GPR183: variants seen among roughly 807,000 people sequenced by gnomAD.
The protein encoded by GPR183 is G protein-coupled receptor 183.
GPR183 carries 9 observed loss-of-function variants against 19.7 expected under a neutral mutation model. The ratio of observed to expected loss-of-function variants is 0.46; its 90% CI spans 0.28 to 0.80. The LOEUF is 0.80. Among genes scored for constraint, GPR183 ranks in the 30% least tolerant of loss-of-function variants. The probability of loss-of-function intolerance (pLI) is 0.13; values close to 1 mark genes in which losing one functional copy is unlikely to be tolerated. For synonymous variants in GPR183, 160 were observed against 155.1 expected (o/e 1.03, Z -0.24); for missense variants, 368 against 446.7 (o/e 0.82, Z 1.59).
At chr13:99,307,221 A>G (rs1316720267) in intron 1 of GPR183, 119 bp downstream of exon 1, 1 of 152,210 alleles carries the variant, frequency 6.6e-6, no homozygotes. Context: ...TTTTGTTAGA[A>G]GTGATGGTAG....
intron 1 of GPR183, among the ~76,000 whole-genome samples, chr13:99,296,596 T>C (rs1282731277): frequency 6.6e-6 from 1 of 152,228 alleles, no homozygotes; most frequent in Non-Finnish European, 1.5e-5. Context: ...CAGTTGGATT[T>C]TTTTTTAACC....
At chr13:99,307,180 A>G (rs1489594166) in intron 1 of GPR183, among the ~76,000 whole-genome samples, 160 bp downstream of exon 1, 5 of 152,228 alleles carry the variant, frequency 3.3e-5, no homozygotes, top group Admixed American at 6.5e-5. Context: ...ACCAGTCAGC[A>G]GAGAGAGTAA....
chr13:99,296,762 A>C (rs2044180478), intron 1 of GPR183, among the ~76,000 whole-genome samples: 1 of 152,168 alleles, frequency 6.6e-6, no homozygotes, highest in Non-Finnish European at 1.5e-5. Context: ...TTTTAAAAAG[A>C]AGAAGACGAC....
chr13:99,307,107 T>C (rs992903116), intron 1 of GPR183, among the ~76,000 whole-genome samples: 1 of 152,202 alleles, frequency 6.6e-6, no homozygotes, highest in Non-Finnish European at 1.5e-5. Flanking sequence ...CCCTATTTTT[T>C]GACAAAGATA....
chr13:99,300,878 A>C (rs2044247875), intron 1 of GPR183, among the ~76,000 whole-genome samples: 1 of 152,200 alleles, frequency 6.6e-6, no homozygotes. Flanking sequence ...TGGATAGTAT[A>C]GTTATCTTTT....
intron 1 of GPR183, among the ~76,000 whole-genome samples, chr13:99,299,435 G>A (rs1185750611): frequency 6.6e-6 from 1 of 151,576 alleles, no homozygotes; most frequent in African/African-American, 2.4e-5. Context: ...TTTTTTGGGA[G>A]GTAGGGAAGC....
intron 1 of GPR183, among the ~76,000 whole-genome samples, chr13:99,296,883 T>C (rs1322643666): frequency 6.6e-6 from 1 of 152,182 alleles, no homozygotes; most frequent in African/African-American, 2.4e-5. Context: ...TAAAACTCTA[T>C]CAATCTGCAA....
rs146695518 is a variant in GPR183, at chr13:99,294,918, G to A, written c.*142C>T. 75 of 826,508 alleles carry A rather than the reference G, an allele frequency of 9.1e-5. No homozygotes were observed. The East Asian group carries it at 1.4e-3, about 15-fold the overall frequency. The allele number at this position is 826,508 out of a possible 1,614,324, so 51.2% of individuals were successfully genotyped here. A position where few individuals can be genotyped will look rare whatever the true frequency, so the allele number is the denominator to read the frequency against. On this transcript the variant is annotated 3_prime_UTR_variant, in exon 2 of 2. Coordinates refer to ENST00000376414, the MANE Select transcript of GPR183 (RefSeq NM_004951.5). ...ATGTTGTTCTCTTGGGCTTACTTCCGAGTTGGAGATGGGAAAGTGCCCAAT... is the reference window on the plus strand; with the variant it reads ...ATGTTGTTCTCTTGGGCTTACTTCCAAGTTGGAGATGGGAAAGTGCCCAAT...
chr13:99,296,560 T>G (rs766206838), intron 1 of GPR183, among the ~76,000 whole-genome samples: 2 of 152,228 alleles, frequency 1.3e-5, no homozygotes, highest in Non-Finnish European at 2.9e-5. Context: ...CAGACAGGCA[T>G]TAAGCTTTGC....
chr13:99,303,634 A>G (rs1329934275), intron 1 of GPR183, among the ~76,000 whole-genome samples: 1 of 152,224 alleles, frequency 6.6e-6, no homozygotes. Flanking sequence ...ACTGCATAAT[A>G]TAAAAAGGCT....
chr13:99,305,281 A>T (rs2044315586), intron 1 of GPR183, among the ~76,000 whole-genome samples: 1 of 106,166 alleles, frequency 9.4e-6, no homozygotes, highest in Non-Finnish European at 2.6e-5. Context: ...CAGCTTTCAG[A>T]GGATTCTCAC....
intron 1 of GPR183, among the ~76,000 whole-genome samples, chr13:99,297,805 G>T (rs1274958480): frequency 6.7e-6 from 1 of 149,250 alleles, no homozygotes; most frequent in Non-Finnish European, 1.5e-5. Context: ...TATCGGTTTA[G>T]ATTAAAAAAA....
rs60367498 is a variant in GPR183 at position 99,296,776 on chromosome 13, C to T, written c.-18-613G>A. On this transcript the variant is annotated intron_variant, in intron 1 of 1. Transcript: ENST00000376414. Reference sequence around the variant, plus strand: ...TTTTTAAAAAGAAGAAGACGACGACCGCAACAACCATGACTAAAATGACAA... The same window carrying T: ...TTTTTAAAAAGAAGAAGACGACGACTGCAACAACCATGACTAAAATGACAA... 1.0e-2 allele frequency among the ~76,000 whole-genome samples: 1,516 copies of T among 151,710 alleles called. 29 individuals carry two copies. The highest frequency in any genetic ancestry group is 0.035 in the African/African-American group (1,466 of 41,334).
intron 1 of GPR183, among the ~76,000 whole-genome samples, chr13:99,304,355 C>G (rs1003649369): frequency 6.6e-6 from 1 of 152,154 alleles, no homozygotes; most frequent in Non-Finnish European, 1.5e-5. Flanking sequence ...GTTCTCCATC[C>G]TCTGAAAGGC....
At chr13:99,303,681 T>C (rs1176960179) in intron 1 of GPR183, among the ~76,000 whole-genome samples, 2 of 152,228 alleles carry the variant, frequency 1.3e-5, no homozygotes, top group Admixed American at 1.3e-4. Flanking sequence ...ATATTTCTCC[T>C]CTGAGTCCTG....
At chr13:99,300,918 A>G (rs2044248350) in intron 1 of GPR183, among the ~76,000 whole-genome samples, 1 of 152,184 alleles carries the variant, frequency 6.6e-6, no homozygotes, top group Admixed American at 6.5e-5. Context: ...ATTTATTCTT[A>G]AGTATATTTT....
At chr13:99,299,994 C>T (rs910942610) in intron 1 of GPR183, among the ~76,000 whole-genome samples, 3 of 152,236 alleles carry the variant, frequency 2.0e-5, no homozygotes, top group African/African-American at 7.2e-5. Context: ...CTGTTTCATG[C>T]TGCCCTTAAA....
At position 99,295,592 on chromosome 13, in the gene GPR183, G is replaced by A; in HGVS notation, c.554C>T (p.Pro185Leu). 1 of 1,613,996 alleles carries A rather than the reference G, an allele frequency of 6.2e-7. No individual in the cohort carries two copies. The stretch of plus-strand genomic sequence containing the variant: ...AAGAGATTTAGTTTCTTCAAAGTTT[G>A]GATACTCCATGCATGTAATCCTTTC... ...EAERITCMEYPNFEETKSLPW... is the reference protein window; with the variant it reads ...EAERITCMEYLNFEETKSLPW... The change falls in exon 2 of 2, where the codon CCA becomes CTA. Residue 185 changes from proline to leucine, a missense_variant. By Grantham distance (98) the Pro-to-Leu change is moderately conservative (BLOSUM62 -3). Coordinates refer to ENST00000376414, the MANE Select transcript of GPR183 (RefSeq NM_004951.5). The surrounding 1 kb of genome is among the most constrained non-coding windows in gnomAD (Gnocchi z 4.1).
chr13:99,295,858 G>A lies in GPR183; in HGVS notation c.288C>T (p.Asp96=). The change falls in exon 2 of 2, where the codon GAC becomes GAT. Residue 96 remains aspartate (D), a synonymous_variant. Coordinates refer to ENST00000376414, the MANE Select transcript of GPR183 (RefSeq NM_004951.5). The surrounding 1 kb of genome is among the most constrained non-coding windows in gnomAD (Gnocchi z 4.1). Reference sequence around the variant, plus strand: ...TACACAAGGCATCTCCGATTCTCCAGTCAAAGCCCATTGCATAGTAGGCTA... The same window carrying A: ...TACACAAGGCATCTCCGATTCTCCAATCAAAGCCCATTGCATAGTAGGCTA... ...TRIAYYAMGF[D]WRIGDALCRI... 6.2e-7 allele frequency: 1 copy of A among 1,606,820 alleles called. No individual in the cohort carries two copies. The highest frequency in any genetic ancestry group is 8.5e-7 in the Non-Finnish European group (1 of 1,175,380).
Sources: gnomAD v4.1 joint callset for allele counts (sites outside exome capture counted in the v4.1 genomes callset) on GRCh38, gnomAD v4.1.1 for gene constraint, Gnocchi (gnomAD v3.1) non-coding constraint, MANE v1.5 for transcripts, NCBI Gene and HGNC (gene_info 2026-07-23, HGNC 2026-07-21) for gene names.